ZDHHC17: variants seen among roughly 807,000 people sequenced by gnomAD.
ZDHHC17 encodes the protein palmitoyltransferase ZDHHC17.
In ZDHHC17, 40 loss-of-function variants were observed where a neutral mutation model predicts 90.3. The ratio of observed to expected loss-of-function variants is 0.44; its 90% CI spans 0.34 to 0.58. ZDHHC17 has a LOEUF of 0.58. ZDHHC17 is among the 20% of genes least tolerant of loss of function. The pLI, the probability that ZDHHC17 is intolerant of heterozygous loss-of-function variation, is 0.01. For missense variants in ZDHHC17, 614 were observed against 780.8 expected, an observed-to-expected ratio of 0.79 and a Z score of 2.55; for synonymous variants, 235 against 252.4, an observed-to-expected ratio of 0.93 and a Z score of 0.65.
intron 8 of ZDHHC17, among the ~76,000 whole-genome samples, chr12:76,822,817 G>A (rs958314986): frequency 3.3e-5 from 5 of 151,632 alleles, no homozygotes; most frequent in Non-Finnish European, 7.4e-5. Context: ...CTCCCACCTC[G>A]GCCTCCCAAA....
At position 76,764,483 on chromosome 12, in the gene ZDHHC17, G is replaced by T. The variant is rs1161841887; in HGVS notation, c.93+154G>T. ...CGAATCCAGGCCTGAGCGCGGCTGC[G>T]AGCGGATAACGGGGGAGGAGATAGC... On this transcript the variant is annotated intron_variant, in intron 1 of 16. Coordinates refer to ENST00000426126, the MANE Select transcript of ZDHHC17 (RefSeq NM_015336.4). 3 of 709,542 alleles carry T rather than the reference G, an allele frequency of 4.2e-6. No individual in the cohort carries two copies. In the Admixed American group the frequency reaches 8.6e-5, roughly 20 times the overall value. 44.0% of individuals were successfully genotyped at this position (709,542 alleles called of 1,614,324 possible). A position where few individuals can be genotyped will look rare whatever the true frequency, so the allele number is the denominator to read the frequency against.
chr12:76,787,255 A>G (rs956029537), intron 1 of ZDHHC17, among the ~76,000 whole-genome samples: 3 of 152,296 alleles, frequency 2.0e-5, no homozygotes, highest in Non-Finnish European at 2.9e-5. Context: ...TCATAATATT[A>G]TCATCAACTA....
chr12:76,846,676 T>G lies in ZDHHC17; in HGVS notation c.1504T>G (p.Ser502Ala). The part of the protein sequence containing the change: ...MICWMIYGCI[S>A]YWGLHCETTY... ...CTGCTGGATGATTTATGGTTGTATA[T>G]CTTGTGAGTACAATTAGTTTTCGGT... The change falls in exon 14 of 17, where the codon TCT becomes GCT. Residue 502 changes from serine (S) to alanine (A), a missense_variant. Physicochemically the swap from Ser to Ala is moderately conservative, Grantham distance 99 (BLOSUM62 1). Around this residue, in one of 5 missense-constraint regions of ZDHHC17, gnomAD observed 111 missense variants for 179.8 expected, o/e 0.62. Coordinates refer to ENST00000426126, the MANE Select transcript of ZDHHC17 (RefSeq NM_015336.4). 6.2e-7 allele frequency: 1 copy of G among 1,606,142 alleles called. No homozygotes were observed. The highest frequency in any genetic ancestry group is 1.7e-5 in the Admixed American group (1 of 59,114).
chr12:76,802,818 G>A (rs11115480), intron 2 of ZDHHC17, among the ~76,000 whole-genome samples: 1,683 of 152,304 alleles, frequency 0.011, 11 homozygotes, highest in Non-Finnish European at 0.017. Context: ...TTTTATGAGT[G>A]CAGGTGCTAC....
At chr12:76,777,833 G>A (rs988479116) in intron 1 of ZDHHC17, among the ~76,000 whole-genome samples, 2 of 152,210 alleles carry the variant, frequency 1.3e-5, no homozygotes, top group Non-Finnish European at 2.9e-5. Context: ...GTTTGTGCGT[G>A]TGTGTCAGGT....
Position 76,835,923 on chromosome 12 carries a change from C to CCCT in ZDHHC17, c.1142-6059_1142-6058insCCT, listed in dbSNP as rs200979444. 3.3e-5 allele frequency among the ~76,000 whole-genome samples: 5 copies of CCCT among 150,826 alleles called. No homozygotes were observed. The South Asian group carries it at 1.0e-3, about 32-fold the overall frequency. On this transcript the variant is annotated intron_variant, in intron 10 of 16. Transcript: ENST00000426126. ...TAAATAACCTCTCCCTCTACACCCCCTTTTTTTTAACTTTTTGTGAATTGT... is the reference window on the plus strand; with the variant it reads ...TAAATAACCTCTCCCTCTACACCCCCCCTTTTTTTTTAACTTTTTGTGAATTGT...
intron 2 of ZDHHC17, 22 bp from the exon 3 acceptor site, chr12:76,805,295 C>G: frequency 6.4e-7 from 1 of 1,560,990 alleles, no homozygotes; most frequent in Non-Finnish European, 8.7e-7. Flanking sequence ...AATAACAATG[C>G]CATATTTTCT....
chr12:76,843,858 C>A (rs1953463525), intron 12 of ZDHHC17: 1 of 152,186 alleles, frequency 6.6e-6, no homozygotes, highest in South Asian at 2.1e-4. Flanking sequence ...AGTTTTGAAA[C>A]AGTTCTAATT....
chr12:76,810,250 C>A (rs769966345), intron 5 of ZDHHC17, among the ~76,000 whole-genome samples: 2 of 151,908 alleles, frequency 1.3e-5, no homozygotes, highest in Non-Finnish European at 2.9e-5. Context: ...TTTTTAAGAT[C>A]AGTTTCTGCT....
intron 16 of ZDHHC17, among the ~76,000 whole-genome samples, chr12:76,850,068 C>T (rs987133124): frequency 6.6e-6 from 1 of 152,088 alleles, no homozygotes; most frequent in African/African-American, 2.4e-5. Context: ...TACAGGCATG[C>T]ACCACGCCCA....
intron 1 of ZDHHC17, among the ~76,000 whole-genome samples, chr12:76,776,093 T>A (rs1023682504): frequency 5.9e-5 from 9 of 151,902 alleles, no homozygotes; most frequent in South Asian, 2.1e-4. Flanking sequence ...TGTAATCAAG[T>A]CCCAAAAAAG....
At chr12:76,771,394 G>T (rs1024408265) in intron 1 of ZDHHC17, among the ~76,000 whole-genome samples, 9 of 151,970 alleles carry the variant, frequency 5.9e-5, no homozygotes, top group Non-Finnish European at 1.3e-4. Context: ...ATTTTCTAGG[G>T]TTAATACATA....
At chr12:76,801,043 A>G (rs1363110815) in intron 2 of ZDHHC17, among the ~76,000 whole-genome samples, 1 of 151,316 alleles carries the variant, frequency 6.6e-6, no homozygotes, top group African/African-American at 2.4e-5. Flanking sequence ...ATGCACCACC[A>G]CGCCCAGCTA....
At chr12:76,827,301 T>C (rs1323590778) in intron 9 of ZDHHC17, among the ~76,000 whole-genome samples, 1 of 152,152 alleles carries the variant, frequency 6.6e-6, no homozygotes. Flanking sequence ...ATTTGAAATA[T>C]TTCAGTAAAA....
At chr12:76,797,764 G>A (rs906857927) in intron 2 of ZDHHC17, among the ~76,000 whole-genome samples, 9 of 152,086 alleles carry the variant, frequency 5.9e-5, no homozygotes, top group African/African-American at 1.7e-4. Context: ...CCGACATGGT[G>A]AAACCCCGTC....
intron 1 of ZDHHC17, among the ~76,000 whole-genome samples, chr12:76,796,734 A>G (rs1952823700): frequency 6.6e-6 from 1 of 152,190 alleles, no homozygotes; most frequent in Non-Finnish European, 1.5e-5. Flanking sequence ...TCTGAGGAAT[A>G]GAGTAGTGCA....
At chr12:76,827,130 G>A (rs1953239489) in intron 9 of ZDHHC17, 80 bp downstream of exon 9, 7 of 1,387,778 alleles carry the variant, frequency 5.0e-6, no homozygotes, top group Admixed American at 3.1e-5. Context: ...ATTAATGTTT[G>A]TATGTTGTAC....
rs1952949566 is a variant in ZDHHC17, at chr12:76,806,002, T to C, written c.320+563T>C. Among the ~76,000 whole-genome samples the C allele has an allele frequency of 2.0e-5, 3 of 148,654 alleles. No individual in the cohort carries two copies. The South Asian group carries it at 6.2e-4, about 31-fold the overall frequency. On this transcript the variant is annotated intron_variant, in intron 3 of 16. Coordinates refer to ENST00000426126, the MANE Select transcript of ZDHHC17 (RefSeq NM_015336.4). ...ATGTTTGTTTAGTATTAATAAGAAA[T>C]AGTTAGATAATCAAGAGTCAGGATG...
chr12:76,837,269 AGG>A (rs1953377400), intron 10 of ZDHHC17, among the ~76,000 whole-genome samples: 1 of 152,088 alleles, frequency 6.6e-6, no homozygotes, highest in Non-Finnish European at 1.5e-5. Flanking sequence ...TCAAGTAGCT[AGG>A]ATTACAGGCA....
Sources: gnomAD v4.1 joint callset for allele counts (sites outside exome capture counted in the v4.1 genomes callset) on GRCh38, gnomAD v4.1.1 for gene constraint, gnomAD v4.1.1 regional missense constraint, MANE v1.5 for transcripts, NCBI Gene and HGNC (gene_info 2026-07-23, HGNC 2026-07-21) for gene names.